The following LMF1 variants were observed in gnomAD, a reference collection of about 807,000 sequenced individuals.
LMF1 encodes transmembrane protein 112.
Under a neutral mutation model 60.6 loss-of-function variants are expected in LMF1, and 68 were observed. The observed-to-expected ratio is 1.12, with a 90% CI of 0.92 to 1.37. LMF1 has a LOEUF of 1.37. Among genes scored for constraint, LMF1 ranks in the 40% most tolerant of loss-of-function variants. The probability of loss-of-function intolerance (pLI) is 0.00; values close to 1 mark genes in which losing one functional copy is unlikely to be tolerated. For synonymous variants in LMF1, 418 were observed against 324.7 expected (o/e 1.29, Z -3.09); for missense variants, 948 against 767.2 (o/e 1.24, Z -2.78).
At chr16:981,113 G>A (rs945785559) in intron 1 of LMF1, 1 of 412,392 alleles carries the variant, frequency 2.4e-6, no homozygotes, top group Non-Finnish European at 4.9e-6. Context: ...GGGTCCCCCA[G>A]CTCCGAGCCG....
At chr16:935,331 G>GCGAT (rs1313300940) in intron 2 of LMF1, among the ~76,000 whole-genome samples, 1 of 152,064 alleles carries the variant, frequency 6.6e-6, no homozygotes, top group African/African-American at 2.4e-5. Context: ...CTAGACTCAG[G>GCGAT]CGATCCTCCT....
At chr16:861,988 G>C (rs746249838) in intron 10 of LMF1, among the ~76,000 whole-genome samples, 28 of 152,124 alleles carry the variant, frequency 1.8e-4, no homozygotes, top group Non-Finnish European at 3.8e-4. Context: ...ATCATGAATA[G>C]ATGTTAAACT....
chr16:965,350 T>C (rs1199199047), intron 1 of LMF1, among the ~76,000 whole-genome samples: 2 of 152,082 alleles, frequency 1.3e-5, no homozygotes, highest in African/African-American at 2.4e-5. Flanking sequence ...CATGGGCAGA[T>C]TGGGGAGAGG....
At chr16:923,977 C>A (rs1420337324) in intron 3 of LMF1, among the ~76,000 whole-genome samples, 1 of 151,922 alleles carries the variant, frequency 6.6e-6, no homozygotes, top group Non-Finnish European at 1.5e-5. Flanking sequence ...AAAACGAAGC[C>A]AATCAAAATA....
chr16:980,317 T>TCGGC (rs2059969529), intron 1 of LMF1: 1 of 157,516 alleles, frequency 6.3e-6, no homozygotes, highest in Non-Finnish European at 1.4e-5. Flanking sequence ...GCACCAGCTC[T>TCGGC]CGGCCGGGCC....
At position 910,738 on chromosome 16, in the gene LMF1, A is replaced by G. The variant is rs1053590746; in HGVS notation, c.663+193T>C. Among the ~76,000 whole-genome samples the G allele has an allele frequency of 5.3e-5, 8 of 152,136 alleles. No homozygotes were observed. The South Asian group carries it at 1.7e-3, about 31-fold the overall frequency. On this transcript the variant is annotated intron_variant, in intron 4 of 10. Transcript: ENST00000262301. ...CAGGGATCATGAGCATGCCCGGGAA[A>G]AGCCAGCCGGTCCCCAGCATTCAAA...
intron 4 of LMF1, among the ~76,000 whole-genome samples, chr16:909,881 G>T (rs746261992): frequency 2.6e-4 from 39 of 152,386 alleles, no homozygotes; most frequent in South Asian, 1.7e-3. Flanking sequence ...GCACACTCTG[G>T]CCGTGGCCCT....
In LMF1 at chr16:891,900, G is replaced by C. The variant is rs571663946; in HGVS notation, c.729+1107C>G. Among the ~76,000 whole-genome samples, 91 of 152,132 alleles carry C rather than the reference G, an allele frequency of 6.0e-4. No homozygotes were observed. In the South Asian group the frequency reaches 0.016, roughly 26 times the overall value. ...TGGGACCATCCAGCCAAAGAGCTGA[G>C]AGTGTTTACTTTCTGGTATTTCACA... On this transcript the variant is annotated intron_variant, in intron 5 of 10. Coordinates refer to ENST00000262301, the MANE Select transcript of LMF1 (RefSeq NM_022773.4).
intron 1 of LMF1, among the ~76,000 whole-genome samples, chr16:966,964 C>G (rs937013934): frequency 6.6e-6 from 1 of 152,264 alleles, no homozygotes; most frequent in Non-Finnish European, 1.5e-5. Flanking sequence ...CTATGTGACT[C>G]TCATCAATAG....
At position 874,867 on chromosome 16, in the gene LMF1, G is replaced by A. The variant is rs2069925603; in HGVS notation, c.898-3526C>T. On this transcript the variant is annotated intron_variant, in intron 6 of 10. Transcript: ENST00000262301. This position sits in a 1 kb window ranked among gnomAD's most constrained non-coding sequence, Gnocchi z 4.1. ...CAGCCAGGACACTACAATGTTAGAG[G>A]GCGCGGGTCACTCTCAGCCCCACAC... 6.6e-6 allele frequency among the ~76,000 whole-genome samples: 1 copy of A among 152,114 alleles called. No homozygotes were observed. The highest frequency in any genetic ancestry group is 1.5e-5 in the Non-Finnish European group (1 of 67,994).
At chr16:895,846 C>A (rs533800345) in intron 4 of LMF1, among the ~76,000 whole-genome samples, 135 of 151,716 alleles carry the variant, frequency 8.9e-4, no homozygotes, top group Admixed American at 1.7e-3. Flanking sequence ...TCCACACACA[C>A]GCCTCGGAGG....
intron 2 of LMF1, among the ~76,000 whole-genome samples, chr16:948,872 G>C (rs1597054243): frequency 1.3e-5 from 1 of 75,782 alleles, no homozygotes. Flanking sequence ...GACAGAGTCA[G>C]AGCCAATGAC....
rs1419141150 is a variant in LMF1 at position 878,265 on chromosome 16, G to A, written c.897+1305C>T. Among the ~76,000 whole-genome samples the A allele has an allele frequency of 1.3e-5, 2 of 152,156 alleles. No homozygotes were observed. The highest frequency in any genetic ancestry group is 4.8e-5 in the African/African-American group (2 of 41,428). ...TGAGCAAGTCCGTTCTTCCCACTTA[G>A]ATTCACGGCGACATCGATGCCCACA... On this transcript the variant is annotated intron_variant, in intron 6 of 10. Transcript: ENST00000262301. The surrounding 1 kb of genome is among the most constrained non-coding windows in gnomAD (Gnocchi z 5.2).
intron 5 of LMF1, 99 bp downstream of exon 5, chr16:892,908 G>T: frequency 2.2e-6 from 2 of 905,470 alleles, no homozygotes; most frequent in Non-Finnish European, 3.3e-6. Flanking sequence ...CCTGTGATGC[G>T]ACAGCTCACC....
intron 1 of LMF1, among the ~76,000 whole-genome samples, chr16:968,048 C>G (rs369292869): frequency 5.9e-5 from 9 of 152,324 alleles, no homozygotes; most frequent in Non-Finnish European, 8.8e-5. Flanking sequence ...AGGGCATGCC[C>G]GACACCCCAG....
chr16:899,263 A>C (rs2070744511), intron 4 of LMF1: 1 of 152,256 alleles, frequency 6.6e-6, no homozygotes, highest in Non-Finnish European at 1.5e-5. Flanking sequence ...CCTCGGCCTC[A>C]CAGGGGGCTG....
chr16:952,024 C>T (rs2072484470), intron 2 of LMF1, among the ~76,000 whole-genome samples: 1 of 152,116 alleles, frequency 6.6e-6, no homozygotes, highest in Admixed American at 6.5e-5. Context: ...ACCACTTCAG[C>T]CTGTGCTGAC....
At chr16:965,235 T>C (rs2072900616) in intron 1 of LMF1, among the ~76,000 whole-genome samples, 1 of 152,204 alleles carries the variant, frequency 6.6e-6, no homozygotes, top group African/African-American at 2.4e-5. Flanking sequence ...TTCAGCTTCA[T>C]GGAGAGACTT....
intron 1 of LMF1, among the ~76,000 whole-genome samples, chr16:967,062 C>T (rs1032420448): frequency 6.6e-6 from 1 of 152,214 alleles, no homozygotes; most frequent in Non-Finnish European, 1.5e-5. Flanking sequence ...GCAAGGCTGT[C>T]CTTCCCCCGT....
Sources: allele counts gnomAD v4.1 joint callset (sites outside exome capture counted in the v4.1 genomes callset), GRCh38; gene constraint gnomAD v4.1.1; non-coding constraint Gnocchi (gnomAD v3.1); transcripts MANE v1.5; gene names NCBI Gene and HGNC (gene_info 2026-07-23, HGNC 2026-07-21).